The following RFTN1 variants were observed in gnomAD, a reference collection of about 807,000 sequenced individuals.
RFTN1 encodes the protein raftlin.
RFTN1 carries 26 observed loss-of-function variants against 46.5 expected under a neutral mutation model. The ratio of observed to expected loss-of-function variants is 0.56; its 90% CI spans 0.41 to 0.78. RFTN1 has a LOEUF of 0.78. RFTN1 is among the 30% of genes least tolerant of loss of function. The pLI is 0.00. For synonymous variants in RFTN1, 261 were observed against 284.2 expected, an observed-to-expected ratio of 0.92 and a Z score of 0.82; for missense variants, 693 against 718.7, an observed-to-expected ratio of 0.96 and a Z score of 0.41.
chr3:16,367,263 T>C (rs149980204), intron 6 of RFTN1, among the ~76,000 whole-genome samples: 1 of 145,044 alleles, frequency 6.9e-6, no homozygotes, highest in African/African-American at 2.6e-5. Context: ...AGGTTCCTCT[T>C]ATGATTACGA....
At chr3:16,469,447 T>C (rs952547608) in intron 2 of RFTN1, among the ~76,000 whole-genome samples, 36 of 152,234 alleles carry the variant, frequency 2.4e-4, no homozygotes, top group African/African-American at 8.0e-4. Context: ...TTATCCAGGC[T>C]GGACAAATCT....
chr3:16,461,766 G>A (rs1273838533), intron 2 of RFTN1, among the ~76,000 whole-genome samples: 1 of 152,160 alleles, frequency 6.6e-6, no homozygotes, highest in African/African-American at 2.4e-5. Context: ...TTTGGCCTGT[G>A]TGTCCACAAG....
chr3:16,459,968 C>T lies in RFTN1; in HGVS notation c.146-25931G>A, dbSNP rs2075980493. Among the ~76,000 whole-genome samples the T allele has an allele frequency of 6.6e-6, 1 of 151,948 alleles. No individual in the cohort carries two copies. The highest frequency in any genetic ancestry group is 1.5e-5 in the Non-Finnish European group (1 of 68,000). On this transcript the variant is annotated intron_variant, in intron 2 of 9. Transcript: ENST00000334133. This position sits in a 1 kb window ranked among gnomAD's most constrained non-coding sequence, Gnocchi z 4.2. Reference sequence around the variant, plus strand: ...TTTTTTCTTCTCAGATAACTGAAGCCAAGACATTTTTGAGAACATGAATTT... The same window carrying T: ...TTTTTTCTTCTCAGATAACTGAAGCTAAGACATTTTTGAGAACATGAATTT...
At chr3:16,493,919 G>T in intron 1 of RFTN1, 42 bp from the exon 2 acceptor site, 1 of 1,610,894 alleles carries the variant, frequency 6.2e-7, no homozygotes. Context: ...ATTTTTTTCT[G>T]AGATTTTGTC....
At chr3:16,441,957 T>C (rs566240880) in intron 2 of RFTN1, among the ~76,000 whole-genome samples, 1 of 152,290 alleles carries the variant, frequency 6.6e-6, no homozygotes. Context: ...ATTGTATAGG[T>C]AGGAAATAGG....
At chr3:16,363,519 T>C (rs2072960863) in intron 6 of RFTN1, among the ~76,000 whole-genome samples, 1 of 152,244 alleles carries the variant, frequency 6.6e-6, no homozygotes, top group African/African-American at 2.4e-5. Flanking sequence ...AGATTTGCCA[T>C]ATTATTTCAA....
rs2125187530 is a variant in RFTN1, at chr3:16,321,336, G to A, written c.1332+2040C>T. ...TGAAGGGAGAAATGGGGCTGGGTCT[G>A]AACCCTGAGGAACTTAGTGGGAAAC... On this transcript the variant is annotated intron_variant, in intron 9 of 9. Coordinates refer to ENST00000334133, the MANE Select transcript of RFTN1 (RefSeq NM_015150.2). This position sits in a 1 kb window ranked among gnomAD's most constrained non-coding sequence, Gnocchi z 4.8. Among the ~76,000 whole-genome samples the A allele has an allele frequency of 6.6e-6, 1 of 152,296 alleles. No homozygotes were observed. Among genetic ancestry groups the A allele is most frequent in the African/African-American group, 2.4e-5 (1 of 41,552 alleles).
At chr3:16,403,174 C>T (rs961415391) in intron 4 of RFTN1, among the ~76,000 whole-genome samples, 1 of 152,158 alleles carries the variant, frequency 6.6e-6, no homozygotes, top group Non-Finnish European at 1.5e-5. Context: ...CTCCTATGCT[C>T]AACCTCACAT....
At chr3:16,409,307 C>G (rs2074933327) in intron 4 of RFTN1, 68 bp downstream of exon 4, 1 of 1,069,070 alleles carries the variant, frequency 9.4e-7, no homozygotes, top group Non-Finnish European at 1.5e-6. Flanking sequence ...CCTAAGGCAG[C>G]TACCTGCCTG....
At chr3:16,323,324 G>A in intron 9 of RFTN1, 52 bp downstream of exon 9, 4 of 1,343,422 alleles carry the variant, frequency 3.0e-6, no homozygotes, top group Non-Finnish European at 4.3e-6. Flanking sequence ...AAAATCCACT[G>A]AAGATGAAGC....
rs372900754 is a variant in RFTN1, at chr3:16,407,056, AAAC to A, written c.441+2316_441+2318del. 4.6e-5 allele frequency among the ~76,000 whole-genome samples: 7 copies of A among 152,336 alleles called. No homozygotes were observed. Among genetic ancestry groups the A allele is most frequent in the African/African-American group, 1.7e-4 (7 of 41,568 alleles). On this transcript the variant is annotated intron_variant, in intron 4 of 9. Coordinates refer to ENST00000334133, the MANE Select transcript of RFTN1 (RefSeq NM_015150.2). The surrounding 1 kb of genome is among the most constrained non-coding windows in gnomAD (Gnocchi z 4.0). Reference sequence around the variant, plus strand: ...GGACATCTCCACTTGGGTACTACAGAAACAACACCCCAGTAGCTCGCAAATCGG... The same window carrying A: ...GGACATCTCCACTTGGGTACTACAGAAACACCCCAGTAGCTCGCAAATCGG...
chr3:16,345,362 A>G lies in RFTN1; in HGVS notation c.1146+12570T>C, dbSNP rs567926808. ...TCTCAAACACATTGGGAAAACCTAA[A>G]GATATAGCCCCTGTTATCACATTGA... On this transcript the variant is annotated intron_variant, in intron 7 of 9. Transcript: ENST00000334133. This position sits in a 1 kb window ranked among gnomAD's most constrained non-coding sequence, Gnocchi z 5.2. 1 of 152,116 alleles carries G rather than the reference A, an allele frequency of 6.6e-6. No individual in the cohort carries two copies. The highest frequency in any genetic ancestry group is 1.9e-4 in the East Asian group (1 of 5,168). The allele number at this position is 152,116 out of a possible 1,614,324, so 9.4% of individuals were successfully genotyped here.
intron 3 of RFTN1, among the ~76,000 whole-genome samples, chr3:16,414,603 C>CAAA (rs71632872): frequency 1.8e-5 from 2 of 112,364 alleles, no homozygotes; most frequent in South Asian, 5.3e-4. Context: ...GACTTCATCT[C>CAAA]AAAAAAAAAA....
In RFTN1 at chr3:16,465,803, C is replaced by T. The variant is rs1451108624; in HGVS notation, c.145+27922G>A. 6.6e-6 allele frequency among the ~76,000 whole-genome samples: 1 copy of T among 152,124 alleles called. No individual in the cohort carries two copies. Among genetic ancestry groups the T allele is most frequent in the Non-Finnish European group, 1.5e-5 (1 of 68,012 alleles). Reference sequence around the variant, plus strand: ...TGCCAACCCTGGAGCTCCATTTTCCCAGGGAGGACTTGAGCGGGAAAAGCA... The same window carrying T: ...TGCCAACCCTGGAGCTCCATTTTCCTAGGGAGGACTTGAGCGGGAAAAGCA... On this transcript the variant is annotated intron_variant, in intron 2 of 9. Coordinates refer to ENST00000334133, the MANE Select transcript of RFTN1 (RefSeq NM_015150.2). This position sits in a 1 kb window ranked among gnomAD's most constrained non-coding sequence, Gnocchi z 5.1.
At chr3:16,461,223 A>G (rs890424042) in intron 2 of RFTN1, among the ~76,000 whole-genome samples, 2 of 152,164 alleles carry the variant, frequency 1.3e-5, no homozygotes. Context: ...TTCTTAGGCA[A>G]TTCAAATATA....
rs2075341585 is a variant in RFTN1 at position 16,429,299 on chromosome 3, G to A, written c.332+4552C>T. 6.6e-6 allele frequency among the ~76,000 whole-genome samples: 1 copy of A among 152,194 alleles called. No homozygotes were observed. The highest frequency in any genetic ancestry group is 1.5e-5 in the Non-Finnish European group (1 of 68,030). On this transcript the variant is annotated intron_variant, in intron 3 of 9. Transcript: ENST00000334133. This position sits in a 1 kb window ranked among gnomAD's most constrained non-coding sequence, Gnocchi z 6.4. ...TGCACTTGAGAACTACTTTTGGAAT[G>A]ACTCATTAATAATTTAGTTAGACTG...
In RFTN1 at chr3:16,434,063, T is replaced by C. The variant is rs568995922; in HGVS notation, c.146-26A>G. 6.1e-5 allele frequency: 94 copies of C among 1,538,264 alleles called. 2 individuals are homozygous for C. In the South Asian group the frequency reaches 1.2e-3, roughly 19 times the overall value. ...CTGGAGTGGAGAGAGGAGAGGCTCA[T>C]CAAAGACCCATCACAACGCCCACTC... On this transcript the variant is annotated intron_variant, in intron 2 of 9. Coordinates refer to ENST00000334133, the MANE Select transcript of RFTN1 (RefSeq NM_015150.2).
rs1330250175 is a variant in RFTN1, at chr3:16,320,167, T to A, written c.1333-2935A>T. ...TAAAAACTGCCCATGATGTGTCCACTTCAAGTAGTTTAGCTGGAAGGAAGT... is the reference window on the plus strand; with the variant it reads ...TAAAAACTGCCCATGATGTGTCCACATCAAGTAGTTTAGCTGGAAGGAAGT... On this transcript the variant is annotated intron_variant, in intron 9 of 9. Coordinates refer to ENST00000334133, the MANE Select transcript of RFTN1 (RefSeq NM_015150.2). This position sits in a 1 kb window ranked among gnomAD's most constrained non-coding sequence, Gnocchi z 4.5. Among the ~76,000 whole-genome samples the A allele has an allele frequency of 6.6e-6, 1 of 152,242 alleles. No individual in the cohort carries two copies. Among genetic ancestry groups the A allele is most frequent in the Non-Finnish European group, 1.5e-5 (1 of 68,032 alleles).
chr3:16,460,330 CCTTT>C lies in RFTN1; in HGVS notation c.146-26297_146-26294del, dbSNP rs1340603458. Among the ~76,000 whole-genome samples, 12 of 152,100 alleles carry C rather than the reference CCTTT, an allele frequency of 7.9e-5. No individual in the cohort carries two copies. The highest frequency in any genetic ancestry group is 1.5e-4 in the Non-Finnish European group (10 of 68,024). On this transcript the variant is annotated intron_variant, in intron 2 of 9. Coordinates refer to ENST00000334133, the MANE Select transcript of RFTN1 (RefSeq NM_015150.2). This position sits in a 1 kb window ranked among gnomAD's most constrained non-coding sequence, Gnocchi z 4.8. ...GTTTTCATTTTAGAAACAAATTCCTCCTTTCTTCTTTTTTTCTGCTGCCAAAGCC... is the reference window on the plus strand; with the variant it reads ...GTTTTCATTTTAGAAACAAATTCCTCCTTCTTTTTTTCTGCTGCCAAAGCC...
Sources: allele counts gnomAD v4.1 joint callset (sites outside exome capture counted in the v4.1 genomes callset), GRCh38; gene constraint gnomAD v4.1.1; non-coding constraint Gnocchi (gnomAD v3.1); transcripts MANE v1.5; gene names NCBI Gene and HGNC (gene_info 2026-07-23, HGNC 2026-07-21).